Variants in C11orf54 observed in about 807,000 individuals in gnomAD.
C11orf54 encodes beta-keto-L-gulonate decarboxylase, also known as beta-keto L-gulonate decarboxylase.
In C11orf54, 29 loss-of-function variants were observed where a neutral mutation model predicts 35.5. That is an observed-to-expected ratio of 0.82 (90% CI 0.61 to 1.11). The LOEUF (loss-of-function observed/expected upper bound fraction) is 1.11. Among genes scored for constraint, C11orf54 ranks in the 50% most tolerant of loss-of-function variants. The pLI is 0.00. For missense variants in C11orf54, 373 were observed against 369.2 expected (o/e 1.01, Z -0.08); for synonymous variants, 108 against 121.1 (o/e 0.89, Z 0.71).
intron 5 of C11orf54, 28 bp from the exon 6 acceptor site, chr11:93,755,182 T>C: frequency 6.2e-7 from 1 of 1,605,238 alleles, no homozygotes; most frequent in Non-Finnish European, 8.5e-7. Flanking sequence ...GATACAAAGA[T>C]TGACTAATTG....
In C11orf54 at chr11:93,755,272, C is replaced by T. The variant is rs1414215707; in HGVS notation, c.393C>T (p.Ala131=). 4 of 1,613,884 alleles carry T rather than the reference C, an allele frequency of 2.5e-6. No homozygotes were observed. Among genetic ancestry groups the T allele is most frequent in the Non-Finnish European group, 3.4e-6 (4 of 1,179,964 alleles). Residue 131 remains alanine (A), a synonymous_variant, in exon 6 of 9, where the codon GCC becomes GCT. Coordinates refer to ENST00000354421, the MANE Select transcript of C11orf54 (RefSeq NM_001286069.2). ...HKPPVNGSYF[A]HVNPADGGCL... ...CTCCTGTAAATGGAAGTTACTTTGC[C>T]CATGTGAACCCTGCAGATGGAGGGT... is the stretch of plus-strand genomic sequence containing the variant.
At chr11:93,753,017 G>A (rs1401064707) in intron 3 of C11orf54, among the ~76,000 whole-genome samples, 1 of 152,096 alleles carries the variant, frequency 6.6e-6, no homozygotes, top group Non-Finnish European at 1.5e-5. Flanking sequence ...GTCTTGCTCT[G>A]TTGCCCAGGC....
chr11:93,755,256 A>G lies in C11orf54; in HGVS notation c.377A>G (p.Asn126Ser). The part of the protein sequence containing the change: ...QTESEHKPPV[N>S]GSYFAHVNPA... The stretch of plus-strand genomic sequence containing the variant: ...GAAAGTGAACACAAGCCTCCTGTAA[A>G]TGGAAGTTACTTTGCCCATGTGAAC... Residue 126 changes from asparagine to serine, a missense_variant, in exon 6 of 9, where the codon AAT becomes AGT. Transcript: ENST00000354421. 1.9e-6 allele frequency: 3 copies of G among 1,614,134 alleles called. No homozygotes were observed. The highest frequency in any genetic ancestry group is 2.7e-5 in the African/African-American group (2 of 75,048).
chr11:93,755,961 A>G (rs1943120543), intron 6 of C11orf54, among the ~76,000 whole-genome samples: 1 of 151,886 alleles, frequency 6.6e-6, no homozygotes, highest in Non-Finnish European at 1.5e-5. Context: ...GAGGTCAAGC[A>G]TTTGAGACCA....
At chr11:93,753,798 G>C (rs913561567) in intron 4 of C11orf54, 43 bp downstream of exon 4, 33 of 1,598,120 alleles carry the variant, frequency 2.1e-5, no homozygotes, top group Non-Finnish European at 2.7e-5. Flanking sequence ...GATTGTAGAA[G>C]TTGGGTTGAT....
At chr11:93,749,233 G>T (rs1196781660) in intron 2 of C11orf54, among the ~76,000 whole-genome samples, 6 of 151,436 alleles carry the variant, frequency 4.0e-5, no homozygotes, top group African/African-American at 7.3e-5. Flanking sequence ...TATAATTCCA[G>T]CATTTTGGGA....
intron 1 of C11orf54, chr11:93,746,957 T>C (rs949145591): frequency 6.6e-6 from 1 of 152,476 alleles, no homozygotes; most frequent in Non-Finnish European, 1.5e-5. Context: ...CATTAGAAAA[T>C]TGGATGTTCA....
At chr11:93,758,300 T>C (rs1423440808) in intron 7 of C11orf54, among the ~76,000 whole-genome samples, 2 of 152,178 alleles carry the variant, frequency 1.3e-5, no homozygotes, top group African/African-American at 4.8e-5. Context: ...ATGGCTGTAG[T>C]CCCTGGCATC....
Position 93,753,987 on chromosome 11 carries a change from A to G in C11orf54, c.280A>G (p.Ile94Val). The G allele has an allele frequency of 6.2e-7, 1 of 1,614,134 alleles. No individual in the cohort carries two copies. The highest frequency in any genetic ancestry group is 1.1e-5 in the South Asian group (1 of 91,086). ...AGAAATCAAGCTGCCTGGAGCCTTT[A>G]TTCTTGGAGCAGGAGCAGGTCCATT... ...AKEIKLPGAF[I>V]LGAGAGPFQT... Residue 94 changes from isoleucine (I) to valine (V), a missense_variant, in exon 5 of 9, where the codon ATT (isoleucine) becomes GTT (valine). By Grantham distance (29) the Ile-to-Val change is conservative. Transcript: ENST00000354421.
At chr11:93,751,820 C>CTTTTTTTT (rs35146074) in intron 3 of C11orf54, among the ~76,000 whole-genome samples, 11 of 80,238 alleles carry the variant, frequency 1.4e-4, no homozygotes, top group East Asian at 3.8e-4. Flanking sequence ...AATGGTTAAT[C>CTTTTTTTT]TTTTTTTTTT....
chr11:93,754,342 A>C (rs584474), intron 5 of C11orf54, among the ~76,000 whole-genome samples: 143,262 of 152,232 alleles, frequency 0.94, 68,068 homozygotes, highest in South Asian at 1. Context: ...TTCCGAGCTT[A>C]TCTATAAATC....
chr11:93,741,832 C>A, intron 1 of C11orf54, 104 bp downstream of exon 1: 1 of 218,628 alleles, frequency 4.6e-6, no homozygotes, highest in Non-Finnish European at 9.5e-6. Flanking sequence ...CAGCCCGGTT[C>A]GTTTCCGGTG....
chr11:93,747,994 A>G (rs933111233), intron 2 of C11orf54, among the ~76,000 whole-genome samples: 2 of 152,224 alleles, frequency 1.3e-5, no homozygotes, highest in Non-Finnish European at 2.9e-5. Flanking sequence ...TGAAGCCAGG[A>G]ATAGTTGTTA....
intron 8 of C11orf54, among the ~76,000 whole-genome samples, chr11:93,760,652 A>T (rs1295877250): frequency 6.6e-6 from 1 of 152,086 alleles, no homozygotes; most frequent in Non-Finnish European, 1.5e-5. Flanking sequence ...AATATTGGTC[A>T]TATCTTCTCT....
At chr11:93,749,341 T>G (rs1273060268) in intron 2 of C11orf54, among the ~76,000 whole-genome samples, 1 of 151,096 alleles carries the variant, frequency 6.6e-6, no homozygotes, top group African/African-American at 2.4e-5. Context: ...AATTAGCCAA[T>G]CATGGTGGCA....
intron 1 of C11orf54, among the ~76,000 whole-genome samples, chr11:93,745,477 T>G (rs1942412953): frequency 1.3e-5 from 2 of 152,208 alleles, no homozygotes; most frequent in African/African-American, 4.8e-5. Flanking sequence ...CCTAAATCCC[T>G]TAAACCTTGA....
Position 93,757,277 on chromosome 11 carries a change from C to T in C11orf54, c.508-39C>T. 1.9e-6 allele frequency: 3 copies of T among 1,563,994 alleles called. No individual in the cohort carries two copies. In the East Asian group the frequency reaches 6.7e-5, roughly 35 times the overall value. ...ATGTTTTATTTCAGTAGTTATTTTG[C>T]AGCATAGTCAATGGTATGCATCTTT... On this transcript the variant is annotated intron_variant, in intron 6 of 8. Coordinates refer to ENST00000354421, the MANE Select transcript of C11orf54 (RefSeq NM_001286069.2).
Position 93,763,598 on chromosome 11 carries a change from A to C in C11orf54, c.*1910A>C, listed in dbSNP as rs775473248. The C allele has an allele frequency of 2.0e-5, 3 of 151,986 alleles. No individual in the cohort carries two copies. Among genetic ancestry groups the C allele is most frequent in the Non-Finnish European group, 4.4e-5 (3 of 68,034 alleles). The allele number at this position is 151,986 out of a possible 1,614,324, so 9.4% of individuals were successfully genotyped here. ...CCATCTCTGCAAAAAAAGAAAAAAAATTTTTTAATTATCTGGGCATGGTTG... is the reference window on the plus strand; with the variant it reads ...CCATCTCTGCAAAAAAAGAAAAAAACTTTTTTAATTATCTGGGCATGGTTG... On this transcript the variant is annotated 3_prime_UTR_variant, in exon 9 of 9. Coordinates refer to ENST00000354421, the MANE Select transcript of C11orf54 (RefSeq NM_001286069.2).
At position 93,761,723 on chromosome 11, in the gene C11orf54, A is replaced by C; in HGVS notation, c.*35A>C. The C allele has an allele frequency of 9.2e-6, 14 of 1,525,778 alleles. No homozygotes were observed. The highest frequency in any genetic ancestry group is 1.2e-5 in the Non-Finnish European group (13 of 1,128,860). The allele number at this position is 1,525,778 out of a possible 1,614,324, so 94.5% of individuals were successfully genotyped here. A position where few individuals can be genotyped will look rare whatever the true frequency, so the allele number is the denominator to read the frequency against. On this transcript the variant is annotated 3_prime_UTR_variant, in exon 9 of 9. Transcript: ENST00000354421. ...TACTTATTTAGAAAAAGAAATAATT[A>C]AGGTTAATTAATTGATTGACTTATT... is the stretch of plus-strand genomic sequence containing the variant.
Sources: gnomAD v4.1 joint callset for allele counts (sites outside exome capture counted in the v4.1 genomes callset) on GRCh38, gnomAD v4.1.1 for gene constraint, MANE v1.5 for transcripts, NCBI Gene and HGNC (gene_info 2026-07-23, HGNC 2026-07-21) for gene names.